GRB10: variants seen among roughly 807,000 people sequenced by gnomAD.
The protein encoded by GRB10 is growth factor receptor bound protein 10.
A neutral mutation model predicts 80.9 loss-of-function variants in GRB10; 20 were observed. That is an observed-to-expected ratio of 0.25 (90% CI 0.17 to 0.36). The LOEUF (loss-of-function observed/expected upper bound fraction) is 0.36. Among genes scored for constraint, GRB10 ranks in the 10% least tolerant of loss-of-function variants. The pLI is 1.00. For missense variants in GRB10, 548 were observed against 747.7 expected, an observed-to-expected ratio of 0.73 and a Z score of 3.12; for synonymous variants, 291 against 291.5, an observed-to-expected ratio of 1.00 and a Z score of 0.02.
chr7:50,760,956 G>A (rs1307791452), intron 2 of GRB10, among the ~76,000 whole-genome samples: 2 of 152,196 alleles, frequency 1.3e-5, no homozygotes, highest in Non-Finnish European at 1.5e-5. Context: ...CTTACCAAAT[G>A]CTTTACAATC....
intron 4 of GRB10, among the ~76,000 whole-genome samples, chr7:50,711,350 C>T (rs1164745048): frequency 6.6e-6 from 1 of 151,974 alleles, no homozygotes; most frequent in African/African-American, 2.4e-5. Flanking sequence ...CATCCGGGTC[C>T]CAGAGCTCCC....
chr7:50,686,790 G>A (rs1217428143), intron 5 of GRB10, among the ~76,000 whole-genome samples: 4 of 152,176 alleles, frequency 2.6e-5, no homozygotes, highest in South Asian at 2.1e-4. Context: ...TATTTCAGGA[G>A]AAGAAACTGA....
Position 50,745,520 on chromosome 7 carries a change from A to G in GRB10, c.-47+10367T>C, listed in dbSNP as rs142181935. On this transcript the variant is annotated intron_variant, in intron 3 of 18. Transcript: ENST00000401949. ...CAACACATTACCAACTATAACCCCC[A>G]CTGGTCCGGAAGCACTGTCTTCCTT... Among the ~76,000 whole-genome samples the G allele has an allele frequency of 5.9e-3, 906 of 152,304 alleles. 7 individuals are homozygous for G. Among genetic ancestry groups the G allele is most frequent in the Non-Finnish European group, 9.9e-3 (671 of 68,020 alleles).
In GRB10 at chr7:50,616,235, T is replaced by A. The variant is rs2050621308; in HGVS notation, c.959A>T (p.Tyr320Phe). Reference protein sequence around the residue: ...LYVCLRRSGLYCSTKGTSKEP... With the variant: ...LYVCLRRSGLFCSTKGTSKEP... ...CTTTGAAGTTCCCTTGGTGGAGCAA[T>A]AAAGGCCAGATCTCCGCAAACACAC... The change falls in exon 11 of 19, where the codon TAT (tyrosine) becomes TTT (phenylalanine). Residue 320 changes from tyrosine (Y) to phenylalanine (F), a missense_variant. This residue lies in a region of GRB10 where 270 missense variants were observed against 433.6 expected (regional missense o/e 0.62). Coordinates refer to ENST00000401949, the MANE Select transcript of GRB10 (RefSeq NM_001350814.2). 1 of 1,614,186 alleles carries A rather than the reference T, an allele frequency of 6.2e-7. No homozygotes were observed. The highest frequency in any genetic ancestry group is 8.5e-7 in the Non-Finnish European group (1 of 1,180,026).
intron 4 of GRB10, among the ~76,000 whole-genome samples, chr7:50,721,263 G>C (rs979158594): frequency 6.6e-6 from 1 of 152,184 alleles, no homozygotes; most frequent in African/African-American, 2.4e-5. Flanking sequence ...GTTTCACACT[G>C]TGTGGAGGAG....
intron 7 of GRB10, 134 bp downstream of exon 7, chr7:50,669,588 A>C (rs779434991): frequency 2.7e-5 from 23 of 857,018 alleles, no homozygotes; most frequent in Non-Finnish European, 3.4e-5. Flanking sequence ...TACTGTGACA[A>C]CAAGAAAAGA....
chr7:50,606,668 A>G, intron 13 of GRB10: 1 of 531,066 alleles, frequency 1.9e-6, no homozygotes, highest in South Asian at 2.1e-5. Context: ...ACTGTTGACC[A>G]GAAGCCTTAA....
At position 50,637,288 on chromosome 7, in the gene GRB10, G is replaced by C. The variant is rs557311245; in HGVS notation, c.505-10310C>G. On this transcript the variant is annotated intron_variant, in intron 7 of 18. Coordinates refer to ENST00000401949, the MANE Select transcript of GRB10 (RefSeq NM_001350814.2). ...AATCTTATATTTAGAAAACCCTAAA[G>C]ACACTTCCGAAAGACTCCTAGACTT... Among the ~76,000 whole-genome samples the C allele has an allele frequency of 5.3e-5, 8 of 152,144 alleles. No individual in the cohort carries two copies. The South Asian group carries it at 1.7e-3, about 32-fold the overall frequency.
intron 3 of GRB10, chr7:50,747,759 T>C (rs35574823): frequency 0.099 from 15,048 of 152,042 alleles, 773 homozygotes; most frequent in East Asian, 0.17. Flanking sequence ...AGGAGAGAAG[T>C]GGTGCATTCT....
At chr7:50,770,405 G>A (rs2076872522) in intron 2 of GRB10, among the ~76,000 whole-genome samples, 1 of 152,178 alleles carries the variant, frequency 6.6e-6, no homozygotes, top group African/African-American at 2.4e-5. Flanking sequence ...TGGTTCCCAA[G>A]CATCTATCTG....
At chr7:50,780,183 T>C (rs2078139702) in intron 2 of GRB10, among the ~76,000 whole-genome samples, 1 of 152,150 alleles carries the variant, frequency 6.6e-6, no homozygotes, top group Non-Finnish European at 1.5e-5. Context: ...GTTCCAGGGT[T>C]TGGGATGGGT....
At position 50,775,904 on chromosome 7, in the gene GRB10, T is replaced by C. The variant is rs1330452447; in HGVS notation, c.-217+4723A>G. ...ATATCCAAGGAGGGCTGCACTGTAATGCAGAGAGCAGAGAAGTGATGCCAG... is the reference window on the plus strand; with the variant it reads ...ATATCCAAGGAGGGCTGCACTGTAACGCAGAGAGCAGAGAAGTGATGCCAG... On this transcript the variant is annotated intron_variant, in intron 2 of 18. Transcript: ENST00000401949. Among the ~76,000 whole-genome samples, 8 of 152,280 alleles carry C rather than the reference T, an allele frequency of 5.3e-5. No individual in the cohort carries two copies. In the South Asian group the frequency reaches 1.0e-3, roughly 20 times the overall value.
intron 7 of GRB10, among the ~76,000 whole-genome samples, chr7:50,632,416 C>T (rs531778076): frequency 6.6e-6 from 1 of 152,326 alleles, no homozygotes; most frequent in South Asian, 2.1e-4. Flanking sequence ...CTCCCCAGGA[C>T]GCAGCACACT....
intron 5 of GRB10, among the ~76,000 whole-genome samples, chr7:50,700,007 C>T (rs1027298560): frequency 2.0e-5 from 3 of 152,066 alleles, no homozygotes; most frequent in East Asian, 1.9e-4. Flanking sequence ...GGCGTGGTGG[C>T]GGGCACCTGT....
At chr7:50,623,048 G>A (rs2052151569) in intron 8 of GRB10, among the ~76,000 whole-genome samples, 2 of 152,216 alleles carry the variant, frequency 1.3e-5, no homozygotes, top group Admixed American at 1.3e-4. Flanking sequence ...AAGCTGCCCT[G>A]GCTAAGGTGA....
chr7:50,595,541 G>A lies in GRB10; in HGVS notation c.1545-11C>T, dbSNP rs1426497152. ...CGGAGGAGAAAAAGCCTGGGGAAGG[G>A]AAAATAGTTGATTGCTAAAATATTT... On this transcript the variant is annotated splice_polypyrimidine_tract_variant and intron_variant, in intron 17 of 18. Coordinates refer to ENST00000401949, the MANE Select transcript of GRB10 (RefSeq NM_001350814.2). 1.3e-6 allele frequency: 2 copies of A among 1,482,674 alleles called. No homozygotes were observed. The highest frequency in any genetic ancestry group is 1.9e-6 in the Non-Finnish European group (2 of 1,060,986). The allele number at this position is 1,482,674 out of a possible 1,614,324, so 91.8% of individuals were successfully genotyped here. A position where few individuals can be genotyped will look rare whatever the true frequency, so the allele number is the denominator to read the frequency against.
intron 17 of GRB10, among the ~76,000 whole-genome samples, chr7:50,603,685 A>T (rs2048016467): frequency 6.6e-6 from 1 of 152,098 alleles, no homozygotes; most frequent in Non-Finnish European, 1.5e-5. Context: ...AGGCAAAAGC[A>T]TTTTTTTTCC....
chr7:50,732,009 C>G (rs1356193528), intron 4 of GRB10, among the ~76,000 whole-genome samples: 1 of 152,222 alleles, frequency 6.6e-6, no homozygotes, highest in African/African-American at 2.4e-5. Context: ...CAACTCTGTA[C>G]TACAACCAAA....
At chr7:50,788,401 C>T (rs2078781997) in intron 1 of GRB10, among the ~76,000 whole-genome samples, 1 of 152,140 alleles carries the variant, frequency 6.6e-6, no homozygotes, top group South Asian at 2.1e-4. Context: ...GGGTCTTCAG[C>T]TATCCCTCAT....
Sources: gnomAD v4.1 joint callset for allele counts (sites outside exome capture counted in the v4.1 genomes callset) on GRCh38, gnomAD v4.1.1 for gene constraint, gnomAD v4.1.1 regional missense constraint, MANE v1.5 for transcripts, NCBI Gene and HGNC (gene_info 2026-07-23, HGNC 2026-07-21) for gene names.